The following VPS11 variants were observed in gnomAD, a reference collection of about 807,000 sequenced individuals.
VPS11 encodes VPS11 core subunit of CORVET and HOPS complexes, also known as vacuolar protein sorting-associated protein 11 homolog.
A neutral mutation model predicts 106.8 loss-of-function variants in VPS11; 51 were observed. The ratio of observed to expected loss-of-function variants is 0.48; its 90% CI spans 0.38 to 0.60. The LOEUF (loss-of-function observed/expected upper bound fraction) is 0.60, where lower values mean the gene tolerates loss of function less well. Ranked by LOEUF, VPS11 falls within the 20% of genes least tolerant of loss-of-function variation. VPS11 has a pLI of 0.00. For synonymous variants in VPS11, 453 were observed against 458.7 expected (o/e 0.99, Z 0.16); for missense variants, 950 against 1,190.0 (o/e 0.80, Z 2.97).
At chr11:119,070,420 T>A (rs782558144) in intron 4 of VPS11, 23 bp downstream of exon 4, 2 of 1,595,416 alleles carry the variant, frequency 1.3e-6, no homozygotes, top group Admixed American at 3.4e-5. Context: ...CCTCCACTCT[T>A]AGGAGCAGGC....
intron 6 of VPS11, 31 bp from the exon 7 acceptor site, chr11:119,073,769 T>A (rs782391322): frequency 6.3e-7 from 1 of 1,594,514 alleles, no homozygotes; most frequent in Non-Finnish European, 8.6e-7. Context: ...GGACCACTTC[T>A]ACCAATTTTC....
In VPS11 at chr11:119,068,443, C is replaced by CTTTT. The variant is rs1945208004; in HGVS notation, c.187+433_187+434insTTTT. 9.3e-3 allele frequency among the ~76,000 whole-genome samples: 332 copies of CTTTT among 35,790 alleles called. 83 individuals are homozygous for CTTTT. Among genetic ancestry groups the CTTTT allele is most frequent in the Non-Finnish European group, 0.013 (155 of 12,230 alleles). The allele number at this position is 35,790 out of a possible 152,430, so 23.5% of individuals were successfully genotyped here. A position where few individuals can be genotyped will look rare whatever the true frequency, so the allele number is the denominator to read the frequency against. ...CTGCTACTAAATTCTGGCCTTTTTACCTTTTTTTTTTTTTTTTTTTTTTTG... is the reference window on the plus strand; with the variant it reads ...CTGCTACTAAATTCTGGCCTTTTTACTTTTCTTTTTTTTTTTTTTTTTTTTTTTG... On this transcript the variant is annotated intron_variant, in intron 1 of 15. Coordinates refer to ENST00000621676, the MANE Select transcript of VPS11 (RefSeq NM_021729.6).
chr11:119,073,783 T>C lies in VPS11; in HGVS notation c.1087-17T>C. The C allele has an allele frequency of 6.3e-7, 1 of 1,594,766 alleles. No homozygotes were observed. Among genetic ancestry groups the C allele is most frequent in the East Asian group, 2.3e-5 (1 of 44,302 alleles). On this transcript the variant is annotated splice_polypyrimidine_tract_variant and intron_variant, in intron 6 of 15. Coordinates refer to ENST00000621676, the MANE Select transcript of VPS11 (RefSeq NM_021729.6). ...AGGACCACTTCTACCAATTTTCTAA[T>C]CTCTCTTCCCTTCTAGATGCTGTTT...
At position 119,069,305 on chromosome 11, in the gene VPS11, G is replaced by C; in HGVS notation, c.297G>C (p.Leu99=). 1 of 1,613,990 alleles carries C rather than the reference G, an allele frequency of 6.2e-7. No individual in the cohort carries two copies. The part of the protein sequence containing the change: ...HLYQLKQHNI[L]ASVGEDEEGI... Reference sequence around the variant, plus strand: ...ACCAACTGAAGCAGCACAATATTCTGGCATCTGTTGGAGAAGATGAAGAGG... The same window carrying C: ...ACCAACTGAAGCAGCACAATATTCTCGCATCTGTTGGAGAAGATGAAGAGG... The change falls in exon 2 of 16, where the codon CTG becomes CTC. Residue 99 remains leucine, a synonymous_variant. Transcript: ENST00000621676.
At chr11:119,075,139 C>T (rs1235893405) in intron 7 of VPS11, among the ~76,000 whole-genome samples, 2 of 151,778 alleles carry the variant, frequency 1.3e-5, no homozygotes, top group East Asian at 1.9e-4. Flanking sequence ...TCGTGGCGGG[C>T]GCCTGTAGTC....
In VPS11 at chr11:119,075,221, C is replaced by T. The variant is rs554189942; in HGVS notation, c.1238+1270C>T. On this transcript the variant is annotated intron_variant, in intron 7 of 15. Transcript: ENST00000621676. The stretch of plus-strand genomic sequence containing the variant: ...GGCGGAGCTTGCAGTGAGCCGAGAT[C>T]GCACCACTGCACTCCAGCCTGGGTA... Among the ~76,000 whole-genome samples, 304 of 151,618 alleles carry T rather than the reference C, an allele frequency of 2.0e-3. 1 individual carries two copies. The highest frequency in any genetic ancestry group is 3.6e-3 in the Non-Finnish European group (247 of 67,924).
chr11:119,071,884 T>C, intron 5 of VPS11, 41 bp downstream of exon 5: 2 of 1,589,518 alleles, frequency 1.3e-6, no homozygotes, highest in Non-Finnish European at 1.7e-6. Flanking sequence ...GGGCTGGACT[T>C]GTTCCCCAGA....
At chr11:119,069,034 A>T in intron 1 of VPS11, 162 bp from the exon 2 acceptor site, 1 of 234,202 alleles carries the variant, frequency 4.3e-6, no homozygotes, top group Non-Finnish European at 7.4e-6. Flanking sequence ...TGCTGGGATT[A>T]CAGGTGTGAG....
In VPS11 at chr11:119,078,808, A is replaced by G. The variant is rs781996622; in HGVS notation, c.2077A>G (p.Met693Val). 1.2e-6 allele frequency: 2 copies of G among 1,613,462 alleles called. No homozygotes were observed. Among genetic ancestry groups the G allele is most frequent in the South Asian group, 2.2e-5 (2 of 91,050 alleles). ...YEQGKLFQQI[M>V]HYHMQHEQYR... ...CCCCGGCCGCAGGTTCCAGCAGATCATGCACTACCACATGCAGCACGAGCA... is the reference window on the plus strand; with the variant it reads ...CCCCGGCCGCAGGTTCCAGCAGATCGTGCACTACCACATGCAGCACGAGCA... Residue 693 changes from methionine to valine, a missense_variant, in exon 13 of 16, where the codon ATG becomes GTG. Physicochemically the swap from Met to Val is conservative, Grantham distance 21. Coordinates refer to ENST00000621676, the MANE Select transcript of VPS11 (RefSeq NM_021729.6).
intron 1 of VPS11, chr11:119,068,283 A>G: frequency 2.5e-6 from 1 of 404,666 alleles, no homozygotes; most frequent in Non-Finnish European, 4.4e-6. Flanking sequence ...GGTTAATTTG[A>G]GATCAATAAG....
chr11:119,076,646 G>T (rs1025463057), intron 7 of VPS11, among the ~76,000 whole-genome samples: 2 of 152,050 alleles, frequency 1.3e-5, no homozygotes, highest in African/African-American at 2.4e-5. Flanking sequence ...CCTCTTCCCC[G>T]TTCTCTTTAG....
rs1197167210 is a variant in VPS11 at position 119,071,817 on chromosome 11, C to T, written c.858C>T (p.Val286=). The T allele has an allele frequency of 2.5e-6, 4 of 1,613,310 alleles. No homozygotes were observed. Among genetic ancestry groups the T allele is most frequent in the Middle Eastern group, 1.6e-4 (1 of 6,076 alleles). Residue 286 remains valine (V), a synonymous_variant, in exon 5 of 16, where the codon GTC becomes GTT. Transcript: ENST00000621676. ...GGTTTAGAGGCTACCTTATCATTGT[C>T]TCCCGTGACCGGAAGGTTTCTCCCA... ...AHWFRGYLII[V]SRDRKVSPKS... is the part of the protein sequence containing the mutation.
At chr11:119,076,843 T>G in intron 7 of VPS11, 54 bp from the exon 8 acceptor site, 422 of 1,587,432 alleles carry the variant, frequency 2.7e-4, no homozygotes, top group Non-Finnish European at 3.3e-4. Flanking sequence ...CCTGTGTACA[T>G]GAGCTGGAGA....
intron 3 of VPS11, 81 bp from the exon 4 acceptor site, chr11:119,070,153 G>A: frequency 7.1e-7 from 1 of 1,416,104 alleles, no homozygotes; most frequent in Non-Finnish European, 9.6e-7. Context: ...TCACTTCTGA[G>A]TGCCTCAAGT....
At chr11:119,074,149 G>T (rs1945509412) in intron 7 of VPS11, among the ~76,000 whole-genome samples, 198 bp downstream of exon 7, 1 of 152,136 alleles carries the variant, frequency 6.6e-6, no homozygotes. Flanking sequence ...GCAATGGCGC[G>T]ATCTCGACTT....
intron 7 of VPS11, among the ~76,000 whole-genome samples, chr11:119,075,857 G>A (rs944464946): frequency 2.6e-5 from 4 of 151,710 alleles, no homozygotes; most frequent in African/African-American, 9.7e-5. Flanking sequence ...AGCCAAGATC[G>A]TGCCACTGCA....
intron 14 of VPS11, among the ~76,000 whole-genome samples, chr11:119,080,025 G>C (rs1945790552): frequency 6.6e-6 from 1 of 152,168 alleles, no homozygotes; most frequent in South Asian, 2.1e-4. Context: ...TTATGTTGTA[G>C]AAGAGACAGA....
At chr11:119,081,368 C>A (rs1367988380) in intron 15 of VPS11, 54 bp downstream of exon 15, 6 of 1,610,890 alleles carry the variant, frequency 3.7e-6, no homozygotes, top group African/African-American at 1.3e-5. Context: ...GTCACAGAGT[C>A]ACTGGAGGGC....
intron 4 of VPS11, 126 bp from the exon 5 acceptor site, chr11:119,071,470 G>A (rs187549761): frequency 7.0e-5 from 86 of 1,234,722 alleles, no homozygotes; most frequent in African/African-American, 6.1e-5. Context: ...AAGGCCAGCA[G>A]CCAAGAGAAA....
Sources: gnomAD v4.1 joint callset for allele counts (sites outside exome capture counted in the v4.1 genomes callset) on GRCh38, gnomAD v4.1.1 for gene constraint, MANE v1.5 for transcripts, NCBI Gene and HGNC (gene_info 2026-07-23, HGNC 2026-07-21) for gene names.